The following TOX2 variants were observed in gnomAD, a reference collection of about 807,000 sequenced individuals.
The protein encoded by TOX2 is TOX high mobility group box family member 2.
TOX2 carries 15 observed loss-of-function variants against 47.4 expected under a neutral mutation model. The observed-to-expected ratio is 0.32, with a 90% CI of 0.21 to 0.49. The LOEUF is 0.49. TOX2 is among the 20% of genes least tolerant of loss of function. The probability of loss-of-function intolerance (pLI) is 0.99; values close to 1 mark genes in which losing one functional copy is unlikely to be tolerated. For synonymous variants in TOX2, 290 were observed against 296.6 expected, an observed-to-expected ratio of 0.98 and a Z score of 0.23; for missense variants, 622 against 673.1, an observed-to-expected ratio of 0.92 and a Z score of 0.84.
chr20:44,005,950 A>G (rs2070672344), intron 2 of TOX2, among the ~76,000 whole-genome samples: 1 of 152,068 alleles, frequency 6.6e-6, no homozygotes, highest in African/African-American at 2.4e-5. Flanking sequence ...GGAAAAAAAA[A>G]ACAAGGAAGG....
intron 2 of TOX2, among the ~76,000 whole-genome samples, chr20:43,982,592 G>A (rs566294987): frequency 6.6e-6 from 1 of 152,074 alleles, no homozygotes; most frequent in Admixed American, 6.5e-5. Context: ...CAGGGGCCTG[G>A]TATGCCTGGG....
chr20:44,048,390 A>T lies in TOX2; in HGVS notation c.412-2916A>T, dbSNP rs963120724. Among the ~76,000 whole-genome samples, 40 of 120,842 alleles carry T rather than the reference A, an allele frequency of 3.3e-4. No homozygotes were observed. In the East Asian group the frequency reaches 4.2e-3, roughly 13 times the overall value. The allele number at this position is 120,842 out of a possible 152,430, so 79.3% of individuals were successfully genotyped here. On this transcript the variant is annotated intron_variant, in intron 3 of 8. Transcript: ENST00000341197. ...GTTAGTATCTGGATAAAATGAATTT[A>T]TATATATATATATATATATATATGT...
intron 1 of TOX2, among the ~76,000 whole-genome samples, chr20:43,956,601 C>G (rs1281731567): frequency 6.7e-6 from 1 of 148,648 alleles, no homozygotes; most frequent in African/African-American, 2.5e-5. Context: ...CTGTATATCA[C>G]TTTACCATCC....
chr20:43,938,487 C>A (rs1306336568), intron 1 of TOX2, among the ~76,000 whole-genome samples: 1 of 152,202 alleles, frequency 6.6e-6, no homozygotes, highest in Non-Finnish European at 1.5e-5. Flanking sequence ...TGCCCCATGT[C>A]CTGATGGGTG....
At chr20:44,064,701 T>G in intron 5 of TOX2, 76 bp from the exon 6 acceptor site, 1 of 1,415,376 alleles carries the variant, frequency 7.1e-7, no homozygotes, top group Non-Finnish European at 9.9e-7. Context: ...AATCCATGCC[T>G]TCCCACCCCA....
At chr20:44,013,827 G>A (rs8118042) in intron 3 of TOX2, among the ~76,000 whole-genome samples, 4,572 of 152,104 alleles carry the variant, frequency 0.03, 159 homozygotes, top group African/African-American at 0.087. Context: ...CTCATATCTC[G>A]TGATGAGAGG....
At chr20:44,035,566 T>C (rs2071226505) in intron 3 of TOX2, among the ~76,000 whole-genome samples, 1 of 152,166 alleles carries the variant, frequency 6.6e-6, no homozygotes, top group Non-Finnish European at 1.5e-5. Flanking sequence ...TGTGTTCTGG[T>C]CAGCCATGTG....
rs145079145 is a variant in TOX2 at position 44,060,557 on chromosome 20, C to A, written c.880-4220C>A. Among the ~76,000 whole-genome samples the A allele has an allele frequency of 7.6e-3, 1,155 of 152,210 alleles. 24 individuals are homozygous for A. Among genetic ancestry groups the A allele is most frequent in the African/African-American group, 0.026 (1,078 of 41,530 alleles). Reference sequence around the variant, plus strand: ...AATAATAGAAATTATATCAAGTACTCTCTCAGAACATAGTGGAATAAAACT... The same window carrying A: ...AATAATAGAAATTATATCAAGTACTATCTCAGAACATAGTGGAATAAAACT... On this transcript the variant is annotated intron_variant, in intron 5 of 8. Transcript: ENST00000341197.
At chr20:44,028,341 G>A (rs1363463538) in intron 3 of TOX2, among the ~76,000 whole-genome samples, 3 of 152,152 alleles carry the variant, frequency 2.0e-5, no homozygotes, top group African/African-American at 7.2e-5. Context: ...CAGCAGCCTA[G>A]GGTGGGGCTG....
At chr20:43,984,019 A>G (rs2070217423) in intron 2 of TOX2, among the ~76,000 whole-genome samples, 1 of 152,248 alleles carries the variant, frequency 6.6e-6, no homozygotes, top group African/African-American at 2.4e-5. Flanking sequence ...CAAAGATGAC[A>G]AGGCTTTTAT....
intron 1 of TOX2, among the ~76,000 whole-genome samples, chr20:43,957,434 C>G (rs548592169): frequency 6.6e-6 from 1 of 152,208 alleles, no homozygotes; most frequent in Non-Finnish European, 1.5e-5. Context: ...GCTATGAGCA[C>G]GTTGCTTAAA....
At chr20:44,011,793 C>G (rs1305842431) in intron 3 of TOX2, among the ~76,000 whole-genome samples, 1 of 152,232 alleles carries the variant, frequency 6.6e-6, no homozygotes, top group African/African-American at 2.4e-5. Context: ...ATGCCAAAGC[C>G]CCCTTGGCTC....
intron 3 of TOX2, among the ~76,000 whole-genome samples, chr20:44,037,072 A>T (rs2071253460): frequency 6.6e-6 from 1 of 152,202 alleles, no homozygotes; most frequent in South Asian, 2.1e-4. Context: ...CTCCTGCCTC[A>T]GCCTCCGAGT....
At chr20:43,951,714 T>TTTTTTTTTTGTTTTTTTTTTG (rs1569027169) in intron 1 of TOX2, among the ~76,000 whole-genome samples, 1 of 122,028 alleles carries the variant, frequency 8.2e-6, no homozygotes, top group Non-Finnish European at 1.7e-5. Context: ...TATGTTTTTT[T>TTTTTTTTTTGTTTTTTTTTTG]TTTTTTTTTT....
At chr20:44,006,998 G>T (rs1264828188) in intron 3 of TOX2, among the ~76,000 whole-genome samples, 1 of 152,170 alleles carries the variant, frequency 6.6e-6, no homozygotes, top group East Asian at 1.9e-4. Flanking sequence ...GGCATGGAGA[G>T]AAATCTAATA....
chr20:44,010,415 G>C (rs1042928081), intron 3 of TOX2, among the ~76,000 whole-genome samples: 5 of 152,022 alleles, frequency 3.3e-5, no homozygotes, highest in Non-Finnish European at 5.9e-5. Context: ...ACTTTGCAAG[G>C]GTTCACTGAA....
chr20:44,067,962 C>T (rs981786233), intron 8 of TOX2, among the ~76,000 whole-genome samples: 2 of 152,194 alleles, frequency 1.3e-5, no homozygotes, highest in African/African-American at 2.4e-5. Context: ...GCCCTAGCCT[C>T]GGCCTCCCAG....
At chr20:44,067,168 G>A (rs1292627960) in intron 8 of TOX2, among the ~76,000 whole-genome samples, 1 of 152,230 alleles carries the variant, frequency 6.6e-6, no homozygotes, top group East Asian at 1.9e-4. Context: ...TCTTAGGCCA[G>A]TTCCCTAGAA....
intron 2 of TOX2, among the ~76,000 whole-genome samples, chr20:43,987,233 C>G (rs1011964712): frequency 1.3e-5 from 2 of 152,166 alleles, no homozygotes; most frequent in Admixed American, 1.3e-4. Context: ...GCAGATGAGT[C>G]TCACAAACAC....
Sources: gnomAD v4.1 joint callset for allele counts (sites outside exome capture counted in the v4.1 genomes callset) on GRCh38, gnomAD v4.1.1 for gene constraint, MANE v1.5 for transcripts, NCBI Gene and HGNC (gene_info 2026-07-23, HGNC 2026-07-21) for gene names.